The following UCK2 variants were observed in gnomAD, a reference collection of about 807,000 sequenced individuals.
UCK2 encodes the protein cytidine monophosphokinase 2.
A neutral mutation model predicts 30.8 loss-of-function variants in UCK2; 6 were observed. That is an observed-to-expected ratio of 0.19 (90% confidence interval 0.11 to 0.38). The LOEUF is 0.38. UCK2 is among the 10% of genes least tolerant of loss of function. The probability of loss-of-function intolerance (pLI) is 1.00; values close to 1 mark genes in which losing one functional copy is unlikely to be tolerated. For synonymous variants in UCK2, 125 were observed against 133.6 expected (o/e 0.94, Z 0.45); for missense variants, 210 against 339.8 (o/e 0.62, Z 3.00).
chr1:165,844,742 G>A lies in UCK2; in HGVS notation c.99+16810G>A, dbSNP rs931708387. ...ATGACAGCATTGTGATCAATGATGC[G>A]TATGTAACGAAGTTTTCATAAAAAC... is the stretch of plus-strand genomic sequence containing the variant. On this transcript the variant is annotated intron_variant, in intron 1 of 6. Coordinates refer to ENST00000367879, the MANE Select transcript of UCK2 (RefSeq NM_012474.5). Among the ~76,000 whole-genome samples, 6 of 152,258 alleles carry A rather than the reference G, an allele frequency of 3.9e-5. No individual in the cohort carries two copies. In the East Asian group the frequency reaches 5.8e-4, roughly 15 times the overall value.
At chr1:165,905,402 C>T (rs1647620539) in intron 5 of UCK2, among the ~76,000 whole-genome samples, 1 of 151,936 alleles carries the variant, frequency 6.6e-6, no homozygotes, top group Admixed American at 6.5e-5. Context: ...GATGATCTCC[C>T]CAACTCAGGA....
chr1:165,845,540 A>G (rs1469187048), intron 1 of UCK2, among the ~76,000 whole-genome samples: 1 of 152,168 alleles, frequency 6.6e-6, no homozygotes, highest in African/African-American at 2.4e-5. Context: ...AATTAACTGG[A>G]TCTGAGTTGT....
chr1:165,876,991 A>G (rs1031176884), intron 1 of UCK2, among the ~76,000 whole-genome samples: 4 of 152,154 alleles, frequency 2.6e-5, no homozygotes, highest in African/African-American at 9.7e-5. Context: ...ACTTAATTAC[A>G]TGTGCAAAGA....
At position 165,909,904 on chromosome 1, in the gene UCK2, C is replaced by G. The variant is rs1647795661; in HGVS notation, c.*2081C>G. ...AGCATGCTCAACTTTACTTGAAGCT[C>G]CCAGGTGCCAAACCATTTAGTGCCT... On this transcript the variant is annotated 3_prime_UTR_variant, in exon 7 of 7. Coordinates refer to ENST00000367879, the MANE Select transcript of UCK2 (RefSeq NM_012474.5). 6.6e-6 allele frequency: 1 copy of G among 152,290 alleles called. No individual in the cohort carries two copies. Among genetic ancestry groups the G allele is most frequent in the Non-Finnish European group, 1.5e-5 (1 of 68,106 alleles). 9.4% of individuals were successfully genotyped at this position (152,290 alleles called of 1,614,324 possible).
In UCK2 at chr1:165,872,362, A is replaced by G. The variant is rs935306853; in HGVS notation, c.100-17842A>G. ...AGTGCTGGGATTACAGGTGTGAGCCACCATGCCTGGCCGTCTTTTAGGCAT... is the reference window on the plus strand; with the variant it reads ...AGTGCTGGGATTACAGGTGTGAGCCGCCATGCCTGGCCGTCTTTTAGGCAT... On this transcript the variant is annotated intron_variant, in intron 1 of 6. Coordinates refer to ENST00000367879, the MANE Select transcript of UCK2 (RefSeq NM_012474.5). 4.5e-4 allele frequency among the ~76,000 whole-genome samples: 68 copies of G among 152,226 alleles called. 2 individuals are homozygous for G. The highest frequency in any genetic ancestry group is 1.6e-3 in the African/African-American group (65 of 41,456).
chr1:165,897,389 A>G (rs931871230), intron 4 of UCK2, among the ~76,000 whole-genome samples: 5 of 151,982 alleles, frequency 3.3e-5, no homozygotes, highest in Non-Finnish European at 7.4e-5. Context: ...TGGTCCTTAG[A>G]TGGGTGGGAG....
At chr1:165,843,501 G>T (rs1004210537) in intron 1 of UCK2, among the ~76,000 whole-genome samples, 1 of 152,126 alleles carries the variant, frequency 6.6e-6, no homozygotes, top group African/African-American at 2.4e-5. Context: ...ATGACTCAAT[G>T]CCTGATGACT....
At chr1:165,832,719 A>G (rs2101847225) in intron 1 of UCK2, among the ~76,000 whole-genome samples, 2 of 151,946 alleles carry the variant, frequency 1.3e-5, no homozygotes, top group South Asian at 4.2e-4. Context: ...TCAGCCTCCC[A>G]AGTAGCTGGG....
At chr1:165,889,661 G>A (rs1245224636) in intron 1 of UCK2, among the ~76,000 whole-genome samples, 2 of 149,422 alleles carry the variant, frequency 1.3e-5, no homozygotes, top group Non-Finnish European at 3.0e-5. Flanking sequence ...TGTCACAGGC[G>A]TGTAAGGCGG....
intron 1 of UCK2, among the ~76,000 whole-genome samples, chr1:165,876,028 CTG>C (rs573495012): frequency 2.0e-5 from 3 of 152,192 alleles, no homozygotes; most frequent in South Asian, 2.1e-4. Flanking sequence ...TCACAAAAGA[CTG>C]TAACAAGGGC....
chr1:165,836,438 A>G (rs1310238435), intron 1 of UCK2, among the ~76,000 whole-genome samples: 2 of 152,236 alleles, frequency 1.3e-5, no homozygotes, highest in Non-Finnish European at 2.9e-5. Flanking sequence ...GGAAATGGAC[A>G]GAATATTGTT....
chr1:165,888,665 T>A (rs1256408884), intron 1 of UCK2, among the ~76,000 whole-genome samples: 1 of 119,982 alleles, frequency 8.3e-6, no homozygotes. Context: ...TTTTTTTTTT[T>A]TGAGATGGGG....
intron 1 of UCK2, among the ~76,000 whole-genome samples, chr1:165,886,720 G>C (rs951768732): frequency 6.6e-6 from 1 of 152,248 alleles, no homozygotes; most frequent in African/African-American, 2.4e-5. Context: ...TGAGTGTTAA[G>C]TAAGCGAAAG....
In UCK2 at chr1:165,907,960, T is replaced by C. The variant is rs1213659589; in HGVS notation, c.*137T>C. Reference sequence around the variant, plus strand: ...CCATGGAGATGAAATGCCTTTGATTTTTTTTTTCTTTTTGTACTTTGGAAC... The same window carrying C: ...CCATGGAGATGAAATGCCTTTGATTCTTTTTTTCTTTTTGTACTTTGGAAC... On this transcript the variant is annotated 3_prime_UTR_variant, in exon 7 of 7. Transcript: ENST00000367879. The C allele has an allele frequency of 7.8e-7, 1 of 1,288,064 alleles. No homozygotes were observed. The highest frequency in any genetic ancestry group is 2.6e-5 in the East Asian group (1 of 38,130). The allele number at this position is 1,288,064 out of a possible 1,614,324, so 79.8% of individuals were successfully genotyped here. A position where few individuals can be genotyped will look rare whatever the true frequency, so the allele number is the denominator to read the frequency against.
chr1:165,857,887 G>C (rs1654791408), intron 1 of UCK2, among the ~76,000 whole-genome samples: 1 of 152,130 alleles, frequency 6.6e-6, no homozygotes, highest in South Asian at 2.1e-4. Flanking sequence ...CCCCATAAAA[G>C]GTTAGATCCT....
At chr1:165,847,190 A>G (rs1397849609) in intron 1 of UCK2, among the ~76,000 whole-genome samples, 1 of 152,214 alleles carries the variant, frequency 6.6e-6, no homozygotes, top group African/African-American at 2.4e-5. Context: ...TCCTAGTGAA[A>G]TGATCTTGGG....
At chr1:165,870,288 C>T (rs1655164724) in intron 1 of UCK2, among the ~76,000 whole-genome samples, 1 of 145,820 alleles carries the variant, frequency 6.9e-6, no homozygotes, top group South Asian at 2.2e-4. Context: ...AATGAAGATA[C>T]TTTTGCTCAC....
At chr1:165,847,201 C>T (rs1032404294) in intron 1 of UCK2, among the ~76,000 whole-genome samples, 1 of 151,980 alleles carries the variant, frequency 6.6e-6, no homozygotes, top group Non-Finnish European at 1.5e-5. Context: ...TGATCTTGGG[C>T]AAAGTTACTC....
chr1:165,847,558 A>G lies in UCK2; in HGVS notation c.99+19626A>G, dbSNP rs372190118. On this transcript the variant is annotated intron_variant, in intron 1 of 6. Transcript: ENST00000367879. ...TTGCATCACTCCCTCAGCCTCGACT[A>G]TGTTAAGCTTCTTTATTGACTTTCT... Among the ~76,000 whole-genome samples the G allele has an allele frequency of 9.2e-5, 14 of 152,322 alleles. No individual in the cohort carries two copies. In the East Asian group the frequency reaches 1.5e-3, roughly 17 times the overall value.
Sources: allele counts gnomAD v4.1 joint callset (sites outside exome capture counted in the v4.1 genomes callset), GRCh38; gene constraint gnomAD v4.1.1; transcripts MANE v1.5; gene names NCBI Gene and HGNC (gene_info 2026-07-23, HGNC 2026-07-21).